GFRAL: variants seen among roughly 807,000 people sequenced by gnomAD.
GFRAL encodes the protein GDNF family receptor alpha-like.
GFRAL carries 36 observed loss-of-function variants against 45.4 expected under a neutral mutation model. The observed-to-expected ratio is 0.79, with a 90% CI of 0.61 to 1.05. The LOEUF (loss-of-function observed/expected upper bound fraction) is 1.05. Among genes scored for constraint, GFRAL ranks in the 50% least tolerant of loss-of-function variants. The pLI, the probability that GFRAL is intolerant of heterozygous loss-of-function variation, is 0.00. For missense variants in GFRAL, 507 were observed against 467.5 expected, an observed-to-expected ratio of 1.08 and a Z score of -0.78; for synonymous variants, 166 against 154.1, an observed-to-expected ratio of 1.08 and a Z score of -0.57.
chr6:55,376,823 T>C lies in GFRAL; in HGVS notation c.952+17685T>C, dbSNP rs576315877. 2.2e-4 allele frequency among the ~76,000 whole-genome samples: 33 copies of C among 152,134 alleles called. No homozygotes were observed. The South Asian group carries it at 6.6e-3, about 31-fold the overall frequency. On this transcript the variant is annotated intron_variant, in intron 6 of 8. Coordinates refer to ENST00000340465, the MANE Select transcript of GFRAL (RefSeq NM_207410.2). ...TGATTTTTTGAAGGATTTTCATGTC[T>C]CTATCTTCTTCAATTTATCTTGGAT...
chr6:55,362,723 C>G (rs1006280008), intron 6 of GFRAL, among the ~76,000 whole-genome samples: 1 of 151,982 alleles, frequency 6.6e-6, no homozygotes, highest in Admixed American at 6.6e-5. Context: ...CAGAAATGTT[C>G]TTTTTGCATT....
intron 8 of GFRAL, 80 bp downstream of exon 8, chr6:55,399,521 C>T: frequency 1.1e-6 from 1 of 913,770 alleles, no homozygotes; most frequent in Non-Finnish European, 1.8e-6. Context: ...AATGGCTGAG[C>T]TTACAAAGAG....
intron 8 of GFRAL, among the ~76,000 whole-genome samples, chr6:55,401,538 G>T (rs1167623882): frequency 6.6e-6 from 1 of 152,060 alleles, no homozygotes; most frequent in Non-Finnish European, 1.5e-5. Context: ...AGTTTGCAGA[G>T]AAACAACTAA....
chr6:55,383,758 C>T (rs1768644775), intron 6 of GFRAL, among the ~76,000 whole-genome samples: 2 of 151,990 alleles, frequency 1.3e-5, no homozygotes, highest in African/African-American at 4.8e-5. Context: ...TGACATGATG[C>T]ACTTTCTAAT....
At chr6:55,394,231 A>G (rs1395228596) in intron 6 of GFRAL, among the ~76,000 whole-genome samples, 1 of 152,198 alleles carries the variant, frequency 6.6e-6, no homozygotes, top group African/African-American at 2.4e-5. Context: ...TGGTTATAAG[A>G]TATGCAAGCA....
chr6:55,378,136 T>A (rs1329036857), intron 6 of GFRAL, among the ~76,000 whole-genome samples: 1 of 152,042 alleles, frequency 6.6e-6, no homozygotes, highest in African/African-American at 2.4e-5. Flanking sequence ...GGTCCCCACA[T>A]TTCGTGCTTC....
intron 6 of GFRAL, among the ~76,000 whole-genome samples, chr6:55,395,137 C>T (rs1046570194): frequency 1.4e-5 from 2 of 141,826 alleles, no homozygotes; most frequent in Non-Finnish European, 3.0e-5. Flanking sequence ...CCTAACTCTC[C>T]CCTGTTGTTT....
intron 6 of GFRAL, among the ~76,000 whole-genome samples, chr6:55,378,543 A>C (rs1768564729): frequency 6.6e-6 from 1 of 151,844 alleles, no homozygotes; most frequent in Non-Finnish European, 1.5e-5. Context: ...GCTCACTGCA[A>C]AACTATGGTC....
intron 3 of GFRAL, among the ~76,000 whole-genome samples, chr6:55,346,047 G>A (rs1454938661): frequency 1.3e-5 from 2 of 152,144 alleles, no homozygotes; most frequent in Non-Finnish European, 2.9e-5. Context: ...AACAACAGGT[G>A]CTGGAGAGGA....
chr6:55,368,053 A>T (rs1360885887), intron 6 of GFRAL, among the ~76,000 whole-genome samples: 2 of 148,274 alleles, frequency 1.3e-5, no homozygotes, highest in Non-Finnish European at 3.0e-5. Flanking sequence ...ACTTGGTTCC[A>T]TTCTCCCCAT....
At chr6:55,385,626 T>C (rs1283400928) in intron 6 of GFRAL, among the ~76,000 whole-genome samples, 2 of 152,102 alleles carry the variant, frequency 1.3e-5, no homozygotes, top group Non-Finnish European at 2.9e-5. Flanking sequence ...TGTGATTTTA[T>C]TCACCATAAT....
rs549997597 is a variant in GFRAL, at chr6:55,401,951, T to C, written c.*98T>C. 3 of 675,320 alleles carry C rather than the reference T, an allele frequency of 4.4e-6. No individual in the cohort carries two copies. The highest frequency in any genetic ancestry group is 3.7e-5 in the African/African-American group (2 of 53,344). The allele number at this position is 675,320 out of a possible 1,614,324, so 41.8% of individuals were successfully genotyped here. ...TCTCCTCTCCTCTCTTCTCCTCTCC[T>C]CCCCTCCCCTCTCTGTTTCTTTTTC... On this transcript the variant is annotated 3_prime_UTR_variant, in exon 9 of 9. Transcript: ENST00000340465.
chr6:55,343,570 A>G (rs1423389538), intron 3 of GFRAL, among the ~76,000 whole-genome samples: 2 of 152,216 alleles, frequency 1.3e-5, no homozygotes, highest in Non-Finnish European at 1.5e-5. Context: ...CCACAAAAGA[A>G]AGCAGGAAAG....
intron 6 of GFRAL, among the ~76,000 whole-genome samples, chr6:55,398,858 T>C (rs1208215971): frequency 1.3e-5 from 2 of 152,156 alleles, no homozygotes; most frequent in African/African-American, 2.4e-5. Context: ...TTTTTCAATA[T>C]CCCAAAGATG....
Position 55,359,025 on chromosome 6 carries a change from T to C in GFRAL, c.839T>C (p.Ile280Thr), listed in dbSNP as rs752086057. The C allele has an allele frequency of 5.6e-6, 9 of 1,613,068 alleles. No homozygotes were observed. The highest frequency in any genetic ancestry group is 1.3e-5 in the African/African-American group (1 of 74,936). ...AGTGATGACTGCAAAGCTGCTTACATAGATATCCTTGGGACGGTCCTTCAA... is the reference window on the plus strand; with the variant it reads ...AGTGATGACTGCAAAGCTGCTTACACAGATATCCTTGGGACGGTCCTTCAA... ...SGSDDCKAAY[I>T]DILGTVLQVQ... is the part of the protein sequence containing the mutation. The change falls in exon 6 of 9, where the codon ATA (isoleucine) becomes ACA (threonine). Residue 280 changes from isoleucine (I) to threonine (T), a missense_variant. Ile to Thr is a moderately conservative substitution (Grantham distance 89). Coordinates refer to ENST00000340465, the MANE Select transcript of GFRAL (RefSeq NM_207410.2).
chr6:55,395,826 A>C (rs1340527856), intron 6 of GFRAL, among the ~76,000 whole-genome samples: 1 of 151,806 alleles, frequency 6.6e-6, no homozygotes, highest in Non-Finnish European at 1.5e-5. Context: ...TCACCTCTCC[A>C]TAGCTCATTT....
chr6:55,351,903 A>ATT (rs372969942), intron 5 of GFRAL, among the ~76,000 whole-genome samples: 46 of 150,214 alleles, frequency 3.1e-4, no homozygotes, highest in African/African-American at 7.3e-4. Context: ...CAGCTTTTTA[A>ATT]TTTTTTTTTT....
At position 55,402,097 on chromosome 6, in the gene GFRAL, CT is replaced by C. The variant is rs34070544; in HGVS notation, c.*246del. The C allele has an allele frequency of 0.68, 224,873 of 330,918 alleles. 77,757 individuals are homozygous for C. The highest frequency in any genetic ancestry group is 0.79 in the East Asian group (14,107 of 17,890). 20.5% of individuals were successfully genotyped at this position (330,918 alleles called of 1,614,324 possible). ...GTTCAAGTGATTTTCCTGCCTCAGC[CT>C]TCCCGAGTAGCTGGGATTACAGGTA... On this transcript the variant is annotated 3_prime_UTR_variant, in exon 9 of 9. Transcript: ENST00000340465.
intron 6 of GFRAL, among the ~76,000 whole-genome samples, chr6:55,395,493 A>AT (rs1219337439): frequency 1.3e-5 from 2 of 151,772 alleles, no homozygotes; most frequent in African/African-American, 2.4e-5. Flanking sequence ...TTGTGAACTT[A>AT]TTTTTTTCCC....
Sources: gnomAD v4.1 joint callset for allele counts (sites outside exome capture counted in the v4.1 genomes callset) on GRCh38, gnomAD v4.1.1 for gene constraint, MANE v1.5 for transcripts, NCBI Gene and HGNC (gene_info 2026-07-23, HGNC 2026-07-21) for gene names.